Variants in NAALADL2 observed in about 807,000 individuals in gnomAD.
NAALADL2 encodes inactive N-acetylated-alpha-linked acidic dipeptidase-like protein 2.
Under a neutral mutation model 87.2 loss-of-function variants are expected in NAALADL2, and 76 were observed. That is an observed-to-expected ratio of 0.87 (90% confidence interval 0.72 to 1.05). NAALADL2 has a LOEUF of 1.05. NAALADL2 is among the 50% of genes least tolerant of loss of function. NAALADL2 has a pLI of 0.00. For synonymous variants in NAALADL2, 354 were observed against 331.0 expected (o/e 1.07, Z -0.75); for missense variants, 1,089 against 945.8 (o/e 1.15, Z -1.99).
Position 175,389,938 on chromosome 3 carries a change from T to C in NAALADL2, c.1091-57291T>C, listed in dbSNP as rs981821772. On this transcript the variant is annotated intron_variant, in intron 5 of 13. Transcript: ENST00000454872. ...GCAGAATGAAACCCTTAAGATTCCA[T>C]GGTAAACTTGGTACTATATGCAAAA... Among the ~76,000 whole-genome samples the C allele has an allele frequency of 2.0e-5, 3 of 152,178 alleles. 1 individual carries two copies. Among genetic ancestry groups the C allele is most frequent in the Admixed American group, 1.3e-4 (2 of 15,264 alleles).
chr3:174,960,763 T>C (rs1477060297), intron 1 of NAALADL2, among the ~76,000 whole-genome samples: 1 of 152,086 alleles, frequency 6.6e-6, no homozygotes, highest in African/African-American at 2.4e-5. Flanking sequence ...GTGCAGGGTA[T>C]TATAAGTACT....
At chr3:174,595,017 T>C in intron 2 of NAALADL2, among the ~76,000 whole-genome samples, 1 of 152,188 alleles carries the variant, frequency 6.6e-6, no homozygotes, top group East Asian at 1.9e-4. Flanking sequence ...CTTAGTACTT[T>C]CTAGATGTAT....
Position 174,975,711 on chromosome 3 carries a change from G to A in NAALADL2, c.43+116261G>A, listed in dbSNP as rs544690007. Among the ~76,000 whole-genome samples, 467 of 152,146 alleles carry A rather than the reference G, an allele frequency of 3.1e-3. 7 individuals carry two copies. Among genetic ancestry groups the A allele is most frequent in the Non-Finnish European group, 3.8e-3 (258 of 68,006 alleles). On this transcript the variant is annotated intron_variant, in intron 1 of 13. Coordinates refer to ENST00000454872, the MANE Select transcript of NAALADL2 (RefSeq NM_207015.3). Reference sequence around the variant, plus strand: ...CTTTCCTTCTGTCCTGGAAGAACACGTTCAACCATGTTATGAGTTGACTCT... The same window carrying A: ...CTTTCCTTCTGTCCTGGAAGAACACATTCAACCATGTTATGAGTTGACTCT...
chr3:175,779,623 T>C (rs1750736688), intron 13 of NAALADL2, among the ~76,000 whole-genome samples: 2 of 152,152 alleles, frequency 1.3e-5, no homozygotes, highest in African/African-American at 4.8e-5. Context: ...GTAAATAAAG[T>C]TTTATTTTGA....
intron 2 of NAALADL2, among the ~76,000 whole-genome samples, chr3:175,197,908 G>C (rs1739255478): frequency 6.6e-6 from 1 of 152,034 alleles, no homozygotes; most frequent in Non-Finnish European, 1.5e-5. Flanking sequence ...CTGCAACACA[G>C]TGCAGAACAG....
At chr3:175,027,052 G>A (rs541349164) in intron 1 of NAALADL2, among the ~76,000 whole-genome samples, 3 of 152,188 alleles carry the variant, frequency 2.0e-5, no homozygotes, top group South Asian at 4.1e-4. Context: ...TGAATGGAAT[G>A]ATTCAGAGGG....
chr3:175,342,133 A>G (rs1466135489), intron 5 of NAALADL2, among the ~76,000 whole-genome samples: 1 of 152,118 alleles, frequency 6.6e-6, no homozygotes, highest in Non-Finnish European at 1.5e-5. Flanking sequence ...TTGTTTTGAT[A>G]ATTCTTGGTC....
At chr3:175,143,876 C>G (rs918741060) in intron 2 of NAALADL2, among the ~76,000 whole-genome samples, 1 of 151,816 alleles carries the variant, frequency 6.6e-6, no homozygotes, top group African/African-American at 2.4e-5. Context: ...TATTTAACCT[C>G]AAAGCTAGTG....
chr3:175,696,752 A>G (rs1298866450), intron 11 of NAALADL2, among the ~76,000 whole-genome samples: 1 of 152,134 alleles, frequency 6.6e-6, no homozygotes, highest in African/African-American at 2.4e-5. Context: ...ATTTATAAAG[A>G]AAAGAAGTTT....
intron 11 of NAALADL2, among the ~76,000 whole-genome samples, chr3:175,725,889 A>G (rs921635577): frequency 5.3e-5 from 8 of 152,178 alleles, no homozygotes; most frequent in African/African-American, 1.7e-4. Flanking sequence ...AGCTGCTGTT[A>G]TTATTATTGA....
At chr3:175,478,061 T>C (rs1490743566) in intron 9 of NAALADL2, among the ~76,000 whole-genome samples, 1 of 152,088 alleles carries the variant, frequency 6.6e-6, no homozygotes, top group Non-Finnish European at 1.5e-5. Flanking sequence ...ACAACTGATG[T>C]GGAAACATTC....
At chr3:175,315,284 G>T (rs995559169) in intron 4 of NAALADL2, among the ~76,000 whole-genome samples, 9 of 152,164 alleles carry the variant, frequency 5.9e-5, no homozygotes, top group African/African-American at 2.2e-4. Flanking sequence ...ATTACATTGA[G>T]TTAAGCACTT....
chr3:174,935,266 T>C (rs890766803), intron 1 of NAALADL2, among the ~76,000 whole-genome samples: 2 of 152,164 alleles, frequency 1.3e-5, no homozygotes, highest in Non-Finnish European at 2.9e-5. Context: ...CTATCTTGCG[T>C]TTGCCTGGGT....
chr3:174,930,918 G>A (rs573984348), intron 1 of NAALADL2, among the ~76,000 whole-genome samples: 7 of 151,798 alleles, frequency 4.6e-5, no homozygotes, highest in South Asian at 4.2e-4. Flanking sequence ...CACCACGCCC[G>A]GCCAAGATGA....
rs576851835 is a variant in NAALADL2 at position 175,314,744 on chromosome 3, A to G, written c.940-9431A>G. Among the ~76,000 whole-genome samples, 68 of 128,156 alleles carry G rather than the reference A, an allele frequency of 5.3e-4. 2 individuals are homozygous for G. The highest frequency in any genetic ancestry group is 9.1e-3 in the Middle Eastern group (2 of 220). 84.1% of individuals were successfully genotyped at this position (128,156 alleles called of 152,430 possible). Reference sequence around the variant, plus strand: ...TATAGTTAGATAAGGTACCGCAACAAAATGTATTGTATAAGTTTTCTTGCC... The same window carrying G: ...TATAGTTAGATAAGGTACCGCAACAGAATGTATTGTATAAGTTTTCTTGCC... On this transcript the variant is annotated intron_variant, in intron 4 of 13. Transcript: ENST00000454872.
At chr3:175,576,302 C>G (rs968687643) in intron 10 of NAALADL2, 115 bp downstream of exon 10, 22 of 923,608 alleles carry the variant, frequency 2.4e-5, no homozygotes, top group Non-Finnish European at 2.9e-5. Context: ...AGAAAAGCGG[C>G]TTCATTTAGA....
intron 2 of NAALADL2, among the ~76,000 whole-genome samples, chr3:174,661,467 A>G (rs944623104): frequency 6.6e-6 from 1 of 152,168 alleles, no homozygotes; most frequent in Non-Finnish European, 1.5e-5. Flanking sequence ...AGTTACTTAG[A>G]AGGAGGAACA....
chr3:174,523,168 C>T, intron 1 of NAALADL2, among the ~76,000 whole-genome samples: 1 of 152,014 alleles, frequency 6.6e-6, no homozygotes, highest in South Asian at 2.1e-4. Flanking sequence ...TATGTTATAG[C>T]AGCTTGAGTG....
intron 5 of NAALADL2, among the ~76,000 whole-genome samples, chr3:175,366,874 T>G (rs1396047308): frequency 1.3e-5 from 2 of 151,918 alleles, no homozygotes; most frequent in East Asian, 1.9e-4. Context: ...TTAGATCCCA[T>G]TTGTCAATTT....
Sources: gnomAD v4.1 joint callset for allele counts (sites outside exome capture counted in the v4.1 genomes callset) on GRCh38, gnomAD v4.1.1 for gene constraint, MANE v1.5 for transcripts, NCBI Gene and HGNC (gene_info 2026-07-23, HGNC 2026-07-21) for gene names.